The following ASCC3 variants were observed in gnomAD, a reference collection of about 807,000 sequenced individuals.
ASCC3 encodes activating signal cointegrator 1 complex subunit 3, also known as ASC-1 complex subunit P200.
Under a neutral mutation model 256.3 loss-of-function variants are expected in ASCC3, and 158 were observed. The ratio of observed to expected loss-of-function variants is 0.62; its 90% CI spans 0.54 to 0.70. The LOEUF is 0.70. Ranked by LOEUF, ASCC3 falls within the 30% of genes least tolerant of loss-of-function variation. The pLI is 0.00. For missense variants in ASCC3, 2,259 were observed against 2,626.0 expected, an observed-to-expected ratio of 0.86 and a Z score of 3.05; for synonymous variants, 948 against 883.4, an observed-to-expected ratio of 1.07 and a Z score of -1.30.
chr6:100,756,496 GAAT>G (rs1211831489), intron 10 of ASCC3, among the ~76,000 whole-genome samples: 1 of 152,030 alleles, frequency 6.6e-6, no homozygotes, highest in Non-Finnish European at 1.5e-5. Context: ...ATTAGCATTA[GAAT>G]AATAAAATTG....
rs571265101 is a variant in ASCC3, at chr6:100,647,489, AT to A, written c.3253-39del. On this transcript the variant is annotated intron_variant, in intron 20 of 41. Coordinates refer to ENST00000369162, the MANE Select transcript of ASCC3 (RefSeq NM_006828.4). ...AGGAGGAGATTGGTGGTTATACCCA[AT>A]GTGCTTTTAAATTTGTCAATAAATC... 524 of 1,543,706 alleles carry A rather than the reference AT, an allele frequency of 3.4e-4. 1 individual carries two copies. Among genetic ancestry groups the A allele is most frequent in the Non-Finnish European group, 4.5e-4 (503 of 1,117,154 alleles).
chr6:100,796,500 G>A (rs190673454), intron 8 of ASCC3, among the ~76,000 whole-genome samples: 3 of 152,268 alleles, frequency 2.0e-5, no homozygotes, highest in East Asian at 3.9e-4. Flanking sequence ...AGGACTTTTA[G>A]GGAGGTAATT....
intron 36 of ASCC3, among the ~76,000 whole-genome samples, chr6:100,568,467 A>T (rs1193312252): frequency 6.7e-6 from 1 of 150,006 alleles, no homozygotes; most frequent in Non-Finnish European, 1.5e-5. Context: ...GCATTTTTTC[A>T]TGTTTGCTGG....
intron 1 of ASCC3, among the ~76,000 whole-genome samples, chr6:100,876,064 CTG>C (rs1773988582): frequency 6.6e-6 from 1 of 152,112 alleles, no homozygotes; most frequent in East Asian, 1.9e-4. Flanking sequence ...AGGAGAAAGA[CTG>C]TGACTGATGG....
chr6:100,690,209 T>C (rs1193121534), intron 13 of ASCC3, among the ~76,000 whole-genome samples: 3 of 152,148 alleles, frequency 2.0e-5, no homozygotes, highest in Non-Finnish European at 4.4e-5. Context: ...CCTAATACAA[T>C]GTAAATGCTT....
rs1262088828 is a variant in ASCC3 at position 100,857,869 on chromosome 6, C to A, written c.241+6195G>T. The A allele has an allele frequency of 1.1e-4, 12 of 111,116 alleles. 1 individual carries two copies. The East Asian group carries it at 2.9e-3, about 27-fold the overall frequency. 6.9% of individuals were successfully genotyped at this position (111,116 alleles called of 1,614,324 possible). ...TTACCCTTGTCAATTTCCACACACA[C>A]ACATGCACACATACACACACACACA... On this transcript the variant is annotated intron_variant, in intron 3 of 41. Transcript: ENST00000369162.
At chr6:100,795,875 A>G (rs1340885383) in intron 8 of ASCC3, among the ~76,000 whole-genome samples, 2 of 152,160 alleles carry the variant, frequency 1.3e-5, no homozygotes, top group Non-Finnish European at 2.9e-5. Context: ...TACAAAAAAG[A>G]TCCAAGACAA....
rs1181564388 is a variant in ASCC3 at position 100,627,621 on chromosome 6, A to T, written c.4611T>A (p.Arg1537=). The T allele has an allele frequency of 6.2e-7, 1 of 1,613,564 alleles. No homozygotes were observed. Among genetic ancestry groups the T allele is most frequent in the African/African-American group, 1.3e-5 (1 of 75,026 alleles). The part of the protein sequence containing the change: ...QGFPGQHYCP[R]MASMNKPAFQ... ...ATGCAGGCTTGTTCATACTAGCCATACGAGGACAGTAATGTTGACCTGGAA... is the reference window on the plus strand; with the variant it reads ...ATGCAGGCTTGTTCATACTAGCCATTCGAGGACAGTAATGTTGACCTGGAA... Residue 1537 remains arginine (R), a synonymous_variant, in exon 29 of 42, where the codon CGT becomes CGA. Transcript: ENST00000369162.
intron 8 of ASCC3, among the ~76,000 whole-genome samples, chr6:100,795,316 GAA>G (rs1769555931): frequency 6.6e-6 from 1 of 151,290 alleles, no homozygotes; most frequent in Non-Finnish European, 1.5e-5. Flanking sequence ...ATCAGGGGAT[GAA>G]AAATAATAAG....
chr6:100,720,435 G>A (rs1360955520), intron 11 of ASCC3, among the ~76,000 whole-genome samples: 2 of 151,782 alleles, frequency 1.3e-5, no homozygotes, highest in Non-Finnish European at 2.9e-5. Flanking sequence ...ATGGATGGGT[G>A]GAGTTACAAA....
chr6:100,785,705 C>T (rs1451400598), intron 8 of ASCC3, among the ~76,000 whole-genome samples: 2 of 152,270 alleles, frequency 1.3e-5, no homozygotes, highest in South Asian at 4.1e-4. Flanking sequence ...AGCCACCATG[C>T]CCAGCTCATT....
At chr6:100,576,635 T>C (rs1249801752) in intron 36 of ASCC3, among the ~76,000 whole-genome samples, 1 of 152,072 alleles carries the variant, frequency 6.6e-6, no homozygotes, top group Non-Finnish European at 1.5e-5. Context: ...AAATAATGTA[T>C]ATAAACTGCC....
At chr6:100,681,660 G>C (rs1582687028) in intron 13 of ASCC3, among the ~76,000 whole-genome samples, 1 of 132,808 alleles carries the variant, frequency 7.5e-6, no homozygotes, top group South Asian at 2.4e-4. Flanking sequence ...CTGGGAGGCA[G>C]AGGTTGCAGT....
intron 8 of ASCC3, among the ~76,000 whole-genome samples, chr6:100,783,233 CAG>C (rs1388174557): frequency 6.6e-6 from 1 of 152,160 alleles, no homozygotes; most frequent in Non-Finnish European, 1.5e-5. Flanking sequence ...GTCCCCTACT[CAG>C]TGTTCTTCCC....
intron 10 of ASCC3, among the ~76,000 whole-genome samples, chr6:100,734,834 C>T (rs1490262734): frequency 6.6e-6 from 1 of 152,132 alleles, no homozygotes; most frequent in Non-Finnish European, 1.5e-5. Flanking sequence ...TGTAACAAAA[C>T]AAACTAAGCT....
At chr6:100,780,191 T>C (rs1473187772) in intron 8 of ASCC3, among the ~76,000 whole-genome samples, 2 of 152,208 alleles carry the variant, frequency 1.3e-5, no homozygotes, top group Non-Finnish European at 2.9e-5. Context: ...AATTAGTGTA[T>C]GTTACACTTA....
rs1285077186 is a variant in ASCC3, at chr6:100,715,507, T to C, written c.2106A>G (p.Glu702=). The C allele has an allele frequency of 6.2e-7, 1 of 1,610,800 alleles. No individual in the cohort carries two copies. Among genetic ancestry groups the C allele is most frequent in the African/African-American group, 1.3e-5 (1 of 74,786 alleles). ...GCTTCAAAACATTTTCATAACATAC[T>C]TCATCCATGTTATTCAACTGCTGCA... ...NKMQQLNNMD[E]VCYENVLKQV... Residue 702 remains glutamate, a synonymous_variant, in exon 13 of 42, where the codon GAA becomes GAG. Transcript: ENST00000369162.
At chr6:100,774,012 CATATAT>C (rs34540592) in intron 8 of ASCC3, among the ~76,000 whole-genome samples, 5 of 151,440 alleles carry the variant, frequency 3.3e-5, no homozygotes, top group African/African-American at 1.2e-4. Flanking sequence ...AAACCTATTA[CATATAT>C]AGAGGTTTAT....
In ASCC3 at chr6:100,724,197, G is replaced by T. The variant is rs145085892; in HGVS notation, c.1902+1342C>A. On this transcript the variant is annotated intron_variant, in intron 11 of 41. Transcript: ENST00000369162. Reference sequence around the variant, plus strand: ...CACAAGTGAAAGTAACCAGGACAGGGTGGGATCACAGAGTCAAAGAGCAAA... The same window carrying T: ...CACAAGTGAAAGTAACCAGGACAGGTTGGGATCACAGAGTCAAAGAGCAAA... 3.4e-3 allele frequency among the ~76,000 whole-genome samples: 514 copies of T among 150,026 alleles called. 7 individuals are homozygous for T. The highest frequency in any genetic ancestry group is 0.024 in the South Asian group (112 of 4,746).
Sources: allele counts gnomAD v4.1 joint callset (sites outside exome capture counted in the v4.1 genomes callset), GRCh38; gene constraint gnomAD v4.1.1; transcripts MANE v1.5; gene names NCBI Gene and HGNC (gene_info 2026-07-23, HGNC 2026-07-21).